Variants in TFEC observed in about 807,000 individuals in gnomAD.
The protein encoded by TFEC is transcription factor EC, also known as class E basic helix-loop-helix protein 34.
Under a neutral mutation model 41.6 loss-of-function variants are expected in TFEC, and 31 were observed. That is an observed-to-expected ratio of 0.74 (90% confidence interval 0.56 to 1.01). The LOEUF is 1.01. Ranked by LOEUF, TFEC falls within the 50% of genes least tolerant of loss-of-function variation. The pLI is 0.00. For missense variants in TFEC, 402 were observed against 404.1 expected, an observed-to-expected ratio of 0.99 and a Z score of 0.04; for synonymous variants, 143 against 140.6, an observed-to-expected ratio of 1.02 and a Z score of -0.12.
intron 3 of TFEC, among the ~76,000 whole-genome samples, chr7:116,083,569 C>G (rs1392568304): frequency 6.6e-6 from 1 of 151,860 alleles, no homozygotes; most frequent in Non-Finnish European, 1.5e-5. Flanking sequence ...TGACAAAACT[C>G]TTGATGTCTT....
chr7:116,131,712 T>C (rs1417909671), intron 1 of TFEC, among the ~76,000 whole-genome samples: 1 of 152,186 alleles, frequency 6.6e-6, no homozygotes, highest in African/African-American at 2.4e-5. Context: ...CCTCAAGTAT[T>C]GTTCCATCTT....
At chr7:116,156,888 T>G (rs1798879779) in intron 1 of TFEC, among the ~76,000 whole-genome samples, 1 of 152,204 alleles carries the variant, frequency 6.6e-6, no homozygotes, top group South Asian at 2.1e-4. Flanking sequence ...ATAATTCTGT[T>G]CCACATATAC....
chr7:116,096,558 A>G (rs569721489), intron 3 of TFEC, among the ~76,000 whole-genome samples: 1 of 151,470 alleles, frequency 6.6e-6, no homozygotes, highest in Non-Finnish European at 1.5e-5. Flanking sequence ...CTTCTCCATG[A>G]CATATGATAC....
At position 116,138,629 on chromosome 7, in the gene TFEC, C is replaced by A. The variant is rs138471328; in HGVS notation, c.-69+21161G>T. 6.6e-5 allele frequency among the ~76,000 whole-genome samples: 10 copies of A among 152,232 alleles called. No individual in the cohort carries two copies. The East Asian group carries it at 1.5e-3, about 23-fold the overall frequency. On this transcript the variant is annotated intron_variant, in intron 1 of 8. Coordinates refer to the TFEC transcript ENST00000484212. ...AGAAGCAATTAAAGAACATGTATATCTTCTTTTCTGAAATGCATTTAAGAA... is the reference window on the plus strand; with the variant it reads ...AGAAGCAATTAAAGAACATGTATATATTCTTTTCTGAAATGCATTTAAGAA...
chr7:116,045,949 C>T (rs1028010093), intron 3 of TFEC, among the ~76,000 whole-genome samples: 1 of 152,084 alleles, frequency 6.6e-6, no homozygotes, highest in African/African-American at 2.4e-5. Flanking sequence ...TTTGACTGCT[C>T]CATTGGATTT....
Position 115,974,257 on chromosome 7 carries a change from C to T in TFEC, c.181-1G>A, listed in dbSNP as rs747545448. 2 of 1,583,680 alleles carry T rather than the reference C, an allele frequency of 1.3e-6. No homozygotes were observed. Among genetic ancestry groups the T allele is most frequent in the East Asian group, 4.6e-5 (2 of 43,642 alleles). ...TTATATCCTCAATAACGTCCTCCAT[C>T]TAGCAAAATATAATACATTTAGAAT... is the stretch of plus-strand genomic sequence containing the variant. On this transcript the variant is annotated splice_acceptor_variant, in intron 2 of 7. Transcript: ENST00000265440. LOFTEE classifies it high-confidence loss of function.
intron 1 of TFEC, among the ~76,000 whole-genome samples, chr7:116,128,886 A>G (rs552550329): frequency 6.6e-6 from 1 of 152,344 alleles, no homozygotes; most frequent in Non-Finnish European, 1.5e-5. Context: ...CTAGAGGTAG[A>G]TACATTTGCT....
chr7:116,113,600 C>T (rs1044505849), intron 1 of TFEC, among the ~76,000 whole-genome samples: 4 of 151,912 alleles, frequency 2.6e-5, no homozygotes, highest in Admixed American at 2.6e-4. Context: ...TATATCTTTG[C>T]CAGGTGATTG....
intron 3 of TFEC, among the ~76,000 whole-genome samples, chr7:116,108,541 C>CT (rs1232942869): frequency 1.3e-5 from 2 of 152,140 alleles, no homozygotes; most frequent in East Asian, 3.9e-4. Flanking sequence ...ATAACTTGAT[C>CT]AAAAGCAGGT....
At chr7:116,027,429 C>CA (rs990211233) in intron 1 of TFEC, among the ~76,000 whole-genome samples, 122 of 151,748 alleles carry the variant, frequency 8.0e-4, no homozygotes, top group African/African-American at 2.8e-3. Context: ...CAAAAAAATA[C>CA]AAAAAAATAA....
intron 1 of TFEC, among the ~76,000 whole-genome samples, chr7:116,153,049 A>G (rs758075184): frequency 6.6e-6 from 1 of 152,216 alleles, no homozygotes; most frequent in South Asian, 2.1e-4. Flanking sequence ...AGATATTTTT[A>G]AAACCTAAAT....
intron 3 of TFEC, among the ~76,000 whole-genome samples, chr7:116,107,449 T>C (rs1038370709): frequency 6.6e-6 from 1 of 152,156 alleles, no homozygotes; most frequent in African/African-American, 2.4e-5. Context: ...CTTATTTTCC[T>C]TGATGGCAAG....
At chr7:115,967,650 G>T (rs1394052039) in intron 3 of TFEC, among the ~76,000 whole-genome samples, 1 of 151,608 alleles carries the variant, frequency 6.6e-6, no homozygotes, top group Non-Finnish European at 1.5e-5. Flanking sequence ...TATTATTTTT[G>T]TCCTATTATG....
At chr7:116,024,734 T>G (rs1207655996) in intron 1 of TFEC, among the ~76,000 whole-genome samples, 3 of 152,186 alleles carry the variant, frequency 2.0e-5, no homozygotes, top group Non-Finnish European at 4.4e-5. Context: ...TTTATCCCCC[T>G]GTTAAGAAGA....
chr7:115,969,576 A>T (rs1453823885), intron 3 of TFEC, among the ~76,000 whole-genome samples: 1 of 151,964 alleles, frequency 6.6e-6, no homozygotes, highest in African/African-American at 2.4e-5. Flanking sequence ...TTGAATCCAG[A>T]CCCTGAAGTC....
At chr7:116,034,965 G>A (rs1429853881), upstream of TFEC, among the ~76,000 whole-genome samples, 1 of 151,346 alleles carries the variant, frequency 6.6e-6, no homozygotes, top group Non-Finnish European at 1.5e-5. Context: ...CACTGAAACT[G>A]TTTATTCTCC....
chr7:115,973,065 G>A (rs1426218016), intron 3 of TFEC, among the ~76,000 whole-genome samples: 1 of 151,690 alleles, frequency 6.6e-6, no homozygotes, highest in Non-Finnish European at 1.5e-5. Context: ...AAAAGGTAGA[G>A]TCATCATTCT....
At chr7:116,000,526 T>C (rs943023190) in intron 1 of TFEC, among the ~76,000 whole-genome samples, 3 of 152,114 alleles carry the variant, frequency 2.0e-5, no homozygotes, top group African/African-American at 7.2e-5. Flanking sequence ...GATTAAATGA[T>C]CCTACATTTG....
chr7:116,050,139 C>T (rs1796272259), intron 3 of TFEC, among the ~76,000 whole-genome samples: 1 of 152,116 alleles, frequency 6.6e-6, no homozygotes, highest in South Asian at 2.1e-4. Flanking sequence ...CAGAACAGAA[C>T]TGAAGGAGAT....
Sources: allele counts gnomAD v4.1 joint callset (sites outside exome capture counted in the v4.1 genomes callset), GRCh38; gene constraint gnomAD v4.1.1; transcripts MANE v1.5; gene names NCBI Gene and HGNC (gene_info 2026-07-23, HGNC 2026-07-21).